KIAA0825: variants seen among roughly 807,000 people sequenced by gnomAD.
The protein encoded by KIAA0825 is KIAA0825, also known as uncharacterized protein KIAA0825.
A neutral mutation model predicts 147.6 loss-of-function variants in KIAA0825; 119 were observed. That is an observed-to-expected ratio of 0.81 (90% CI 0.69 to 0.94). The LOEUF is 0.94. Ranked by LOEUF, KIAA0825 falls within the 40% of genes least tolerant of loss-of-function variation. The probability of loss-of-function intolerance (pLI) is 0.00; values close to 1 mark genes in which losing one functional copy is unlikely to be tolerated. For missense variants in KIAA0825, 1,381 were observed against 1,472.7 expected, an observed-to-expected ratio of 0.94 and a Z score of 1.02; for synonymous variants, 470 against 518.1, an observed-to-expected ratio of 0.91 and a Z score of 1.26.
intron 5 of KIAA0825, among the ~76,000 whole-genome samples, chr5:94,513,926 A>G (rs1766852713): frequency 6.6e-6 from 1 of 151,978 alleles, no homozygotes; most frequent in Non-Finnish European, 1.5e-5. Flanking sequence ...GTATAGTGGG[A>G]AGATGCTTCT....
intron 14 of KIAA0825, among the ~76,000 whole-genome samples, chr5:94,428,957 AT>A (rs1365767947): frequency 6.6e-6 from 1 of 151,852 alleles, no homozygotes; most frequent in South Asian, 2.1e-4. Flanking sequence ...AAGCTTTGAG[AT>A]TTTTTTCTTC....
At chr5:94,428,823 A>G (rs1285452432) in intron 14 of KIAA0825, among the ~76,000 whole-genome samples, 1 of 152,152 alleles carries the variant, frequency 6.6e-6, no homozygotes, top group Non-Finnish European at 1.5e-5. Flanking sequence ...CATCTCTCTC[A>G]GGATGCCAAT....
At chr5:94,427,594 T>C (rs1718665949) in intron 14 of KIAA0825, among the ~76,000 whole-genome samples, 1 of 152,212 alleles carries the variant, frequency 6.6e-6, no homozygotes. Flanking sequence ...ACTTAACTAC[T>C]TTTTATAAGA....
intron 9 of KIAA0825, 101 bp from the exon 10 acceptor site, chr5:94,470,212 T>TG: frequency 1.4e-6 from 1 of 726,352 alleles, no homozygotes; most frequent in Non-Finnish European, 2.0e-6. Flanking sequence ...TAGATATCAA[T>TG]CATTCATTTC....
intron 20 of KIAA0825, among the ~76,000 whole-genome samples, chr5:94,194,216 G>A (rs1190099796): frequency 6.6e-6 from 1 of 152,058 alleles, no homozygotes; most frequent in East Asian, 1.9e-4. Flanking sequence ...CCCTCATGCT[G>A]AAAGCCATTC....
chr5:94,279,959 C>T (rs1221713793), intron 20 of KIAA0825, among the ~76,000 whole-genome samples: 1 of 151,944 alleles, frequency 6.6e-6, no homozygotes, highest in African/African-American at 2.4e-5. Context: ...ATGTTTCAGG[C>T]CGAAAGGACA....
At chr5:94,311,079 T>G (rs116672774) in intron 20 of KIAA0825, among the ~76,000 whole-genome samples, 2,151 of 151,734 alleles carry the variant, frequency 0.014, 17 homozygotes, top group Non-Finnish European at 0.022. Context: ...CAGTGTGCAA[T>G]AGGTTTATGC....
chr5:94,461,103 G>C (rs1157607093), intron 12 of KIAA0825, among the ~76,000 whole-genome samples: 2 of 151,896 alleles, frequency 1.3e-5, no homozygotes, highest in Non-Finnish European at 2.9e-5. Flanking sequence ...TGTTAAAAAT[G>C]TATCAAAAAG....
At chr5:94,500,913 G>T (rs1473743946) in intron 5 of KIAA0825, among the ~76,000 whole-genome samples, 1 of 152,058 alleles carries the variant, frequency 6.6e-6, no homozygotes, top group Non-Finnish European at 1.5e-5. Flanking sequence ...TAGTAGCTGG[G>T]ATTACAGGTG....
intron 20 of KIAA0825, among the ~76,000 whole-genome samples, chr5:94,307,787 T>C (rs905258869): frequency 1.3e-5 from 2 of 151,812 alleles, no homozygotes; most frequent in African/African-American, 4.8e-5. Flanking sequence ...TTGGTACTTA[T>C]TCCACCATAT....
chr5:94,301,800 C>A (rs904596249), intron 20 of KIAA0825, among the ~76,000 whole-genome samples: 1 of 152,012 alleles, frequency 6.6e-6, no homozygotes, highest in Non-Finnish European at 1.5e-5. Context: ...CACATTATGA[C>A]CAAGTTATGC....
chr5:94,153,276 T>C lies in KIAA0825; in HGVS notation c.*731A>G, dbSNP rs1463266923. 1 of 152,008 alleles carries C rather than the reference T, an allele frequency of 6.6e-6. No homozygotes were observed. Among genetic ancestry groups the C allele is most frequent in the Admixed American group, 6.6e-5 (1 of 15,250 alleles). The allele number at this position is 152,008 out of a possible 1,614,324, so 9.4% of individuals were successfully genotyped here. A position where few individuals can be genotyped will look rare whatever the true frequency, so the allele number is the denominator to read the frequency against. On this transcript the variant is annotated 3_prime_UTR_variant, in exon 21 of 21. Transcript: ENST00000682413. ...GGGGTAAAGATTGCTGGAATTAGTT[T>C]TGAGCCTAATTTTGGAAGAAAGATG...
At chr5:94,408,017 A>T (rs1752287562) in intron 15 of KIAA0825, among the ~76,000 whole-genome samples, 1 of 152,114 alleles carries the variant, frequency 6.6e-6, no homozygotes, top group Admixed American at 6.6e-5. Context: ...TGTTGCAACT[A>T]CTCATCTTTA....
intron 20 of KIAA0825, among the ~76,000 whole-genome samples, chr5:94,197,220 G>C (rs533488498): frequency 1.3e-5 from 2 of 152,284 alleles, no homozygotes; most frequent in African/African-American, 4.8e-5. Context: ...AATGATTCGT[G>C]ATGTTGACCA....
At chr5:94,246,739 ATGAAAC>A (rs1775641086) in intron 20 of KIAA0825, among the ~76,000 whole-genome samples, 1 of 152,136 alleles carries the variant, frequency 6.6e-6, no homozygotes, top group Non-Finnish European at 1.5e-5. Flanking sequence ...TTATATCTGA[ATGAAAC>A]TGAATCTCAG....
At chr5:94,426,303 A>G (rs1754875082) in intron 14 of KIAA0825, among the ~76,000 whole-genome samples, 1 of 152,170 alleles carries the variant, frequency 6.6e-6, no homozygotes, top group Admixed American at 6.6e-5. Context: ...TATGGATTCA[A>G]CCTAAGTGTC....
intron 20 of KIAA0825, among the ~76,000 whole-genome samples, chr5:94,383,046 G>A (rs1748628806): frequency 6.6e-6 from 1 of 152,130 alleles, no homozygotes; most frequent in Non-Finnish European, 1.5e-5. Flanking sequence ...AGATTCAATA[G>A]AGGCCCTGGC....
intron 20 of KIAA0825, among the ~76,000 whole-genome samples, chr5:94,372,173 C>T (rs185446285): frequency 8.5e-5 from 13 of 152,346 alleles, no homozygotes; most frequent in African/African-American, 3.1e-4. Context: ...TAGCCCCCCT[C>T]CTGGCTGCTT....
At chr5:94,201,476 C>T (rs1396561765) in intron 20 of KIAA0825, among the ~76,000 whole-genome samples, 7 of 152,178 alleles carry the variant, frequency 4.6e-5, no homozygotes, top group Admixed American at 2.6e-4. Flanking sequence ...GGCATGGTCA[C>T]GGCCTACTGC....
Sources: gnomAD v4.1 joint callset for allele counts (sites outside exome capture counted in the v4.1 genomes callset) on GRCh38, gnomAD v4.1.1 for gene constraint, MANE v1.5 for transcripts, NCBI Gene and HGNC (gene_info 2026-07-23, HGNC 2026-07-21) for gene names.